The following NFATC3 variants were observed in gnomAD, a reference collection of about 807,000 sequenced individuals.
NFATC3 encodes the protein nuclear factor of activated T-cells, cytoplasmic 3.
Under a neutral mutation model 98.6 loss-of-function variants are expected in NFATC3, and 46 were observed. That is an observed-to-expected ratio of 0.47 (90% CI 0.37 to 0.60). NFATC3 has a LOEUF of 0.60. Ranked by LOEUF, NFATC3 falls within the 20% of genes least tolerant of loss-of-function variation. The probability of loss-of-function intolerance (pLI) is 0.00; values close to 1 mark genes in which losing one functional copy is unlikely to be tolerated. For missense variants in NFATC3, 1,256 were observed against 1,295.5 expected (o/e 0.97, Z 0.47); for synonymous variants, 512 against 472.2 (o/e 1.08, Z -1.09).
chr16:68,132,693 G>T (rs1272966451), intron 3 of NFATC3, among the ~76,000 whole-genome samples: 1 of 152,174 alleles, frequency 6.6e-6, no homozygotes, highest in Non-Finnish European at 1.5e-5. Context: ...GCATAAAAAA[G>T]AATGAAATCC....
At chr16:68,213,633 A>G (rs1054045172) in intron 9 of NFATC3, among the ~76,000 whole-genome samples, 5 of 151,810 alleles carry the variant, frequency 3.3e-5, no homozygotes, top group Admixed American at 6.6e-5. Context: ...TTTGAGACCC[A>G]CCTGGCCAAC....
intron 1 of NFATC3, among the ~76,000 whole-genome samples, chr16:68,095,153 T>C (rs2034945294): frequency 6.6e-6 from 1 of 152,036 alleles, no homozygotes; most frequent in Admixed American, 6.6e-5. Context: ...AAAAGAATTG[T>C]CTGTGCTTAC....
At chr16:68,222,908 AC>A (rs1027716742) in intron 9 of NFATC3, among the ~76,000 whole-genome samples, 3 of 152,016 alleles carry the variant, frequency 2.0e-5, no homozygotes, top group Non-Finnish European at 4.4e-5. Context: ...AGCTCGTAGA[AC>A]CCCCAGAACC....
intron 9 of NFATC3, among the ~76,000 whole-genome samples, chr16:68,204,783 C>T (rs140395710): frequency 8.5e-5 from 13 of 152,156 alleles, no homozygotes; most frequent in African/African-American, 2.4e-4. Context: ...TGAGTTCCTT[C>T]GAAGACAGAT....
rs975551395 is a variant in NFATC3, at chr16:68,209,558, C to T, written c.3107-16792C>T. 5.1e-5 allele frequency: 16 copies of T among 316,522 alleles called. No individual in the cohort carries two copies. The East Asian group carries it at 7.6e-4, about 15-fold the overall frequency. 19.6% of individuals were successfully genotyped at this position (316,522 alleles called of 1,614,324 possible). ...TGTCCTCACCCATGATGGCCTAGCA[C>T]GTGGAATTTGCAAAGCTGCTGAAGG... On this transcript the variant is annotated intron_variant, in intron 9 of 9. Transcript: ENST00000346183.
At chr16:68,185,870 A>G (rs1364468854) in intron 8 of NFATC3, among the ~76,000 whole-genome samples, 5 of 151,602 alleles carry the variant, frequency 3.3e-5, no homozygotes, top group Non-Finnish European at 7.4e-5. Flanking sequence ...CTCAAAAAAA[A>G]AAAAAAAAAA....
At chr16:68,171,326 T>TA (rs1259333932) in intron 5 of NFATC3, among the ~76,000 whole-genome samples, 5 of 152,156 alleles carry the variant, frequency 3.3e-5, no homozygotes, top group African/African-American at 1.2e-4. Context: ...ACTTTGCTGT[T>TA]ACTTAGAATG....
chr16:68,165,270 A>T (rs1446506815), intron 4 of NFATC3, among the ~76,000 whole-genome samples: 1 of 151,990 alleles, frequency 6.6e-6, no homozygotes, highest in Non-Finnish European at 1.5e-5. Context: ...AGTTTTCAAA[A>T]TTGTTGCATT....
chr16:68,171,051 A>T (rs1169786538), intron 5 of NFATC3, among the ~76,000 whole-genome samples: 1 of 152,172 alleles, frequency 6.6e-6, no homozygotes, highest in Non-Finnish European at 1.5e-5. Flanking sequence ...TCTGTCGCCC[A>T]GGCTGGAGTA....
At chr16:68,221,279 C>G in intron 9 of NFATC3, 1 of 1,614,022 alleles carries the variant, frequency 6.2e-7, no homozygotes, top group Non-Finnish European at 8.5e-7. Context: ...TCTGAGGAAT[C>G]TAGAGGTGAG....
chr16:68,115,494 G>T (rs757506729), intron 1 of NFATC3, among the ~76,000 whole-genome samples: 1 of 150,616 alleles, frequency 6.6e-6, no homozygotes. Context: ...GCGCAATCTC[G>T]GCTTACTGCG....
chr16:68,094,442 C>G (rs1021334318), intron 1 of NFATC3, among the ~76,000 whole-genome samples: 3 of 151,716 alleles, frequency 2.0e-5, no homozygotes, highest in Non-Finnish European at 4.4e-5. Flanking sequence ...AAAATGAGTA[C>G]TATTTATTTG....
intron 3 of NFATC3, among the ~76,000 whole-genome samples, chr16:68,135,424 C>G (rs1017864269): frequency 7.2e-6 from 1 of 138,390 alleles, no homozygotes; most frequent in Non-Finnish European, 1.5e-5. Context: ...CGCCGCTGCA[C>G]TCCAACCTGG....
At chr16:68,179,021 C>T (rs1368388497) in intron 6 of NFATC3, among the ~76,000 whole-genome samples, 1 of 152,162 alleles carries the variant, frequency 6.6e-6, no homozygotes, top group African/African-American at 2.4e-5. Context: ...TTGCCTCATA[C>T]TTTATACAGC....
intron 1 of NFATC3, among the ~76,000 whole-genome samples, chr16:68,099,634 A>AAT (rs1567496150): frequency 4.0e-4 from 61 of 150,826 alleles, no homozygotes; most frequent in African/African-American, 1.4e-3. Context: ...ATAATAATAA[A>AAT]AAATATAGAA....
In NFATC3 at chr16:68,166,985, C is replaced by G; in HGVS notation, c.1744C>G (p.Leu582Val). ...ACAGCCCAGTGGAAAAGTCCTTTCT[C>G]TGCAGATAGCCTCTATACCCGTTGA... ...IPQPSGKVLS[L>V]QIASIPVECS... The change falls in exon 5 of 10, where the codon CTG (leucine) becomes GTG (valine). Residue 582 changes from leucine (L) to valine (V), a missense_variant. Around this residue, in one of 3 missense-constraint regions of NFATC3, gnomAD observed 636 missense variants for 617.3 expected, o/e 1.03. Coordinates refer to ENST00000346183, the MANE Select transcript of NFATC3 (RefSeq NM_173165.3). 6.2e-7 allele frequency: 1 copy of G among 1,614,148 alleles called. No homozygotes were observed. Among genetic ancestry groups the G allele is most frequent in the Non-Finnish European group, 8.5e-7 (1 of 1,180,014 alleles).
chr16:68,129,767 T>G (rs1394483890), intron 3 of NFATC3, among the ~76,000 whole-genome samples: 1 of 146,870 alleles, frequency 6.8e-6, no homozygotes, highest in Non-Finnish European at 1.5e-5. Flanking sequence ...AGTCTCAAAC[T>G]CCTAGGATCA....
chr16:68,118,264 T>A (rs1293813635), intron 1 of NFATC3, among the ~76,000 whole-genome samples: 1 of 152,222 alleles, frequency 6.6e-6, no homozygotes, highest in Non-Finnish European at 1.5e-5. Context: ...AAGTTCCTTG[T>A]CTGATTCTCT....
At chr16:68,114,866 C>T (rs2036189322) in intron 1 of NFATC3, among the ~76,000 whole-genome samples, 1 of 152,152 alleles carries the variant, frequency 6.6e-6, no homozygotes, top group South Asian at 2.1e-4. Context: ...AGCCACCGCA[C>T]CTGGCCGGAA....
Sources: gnomAD v4.1 joint callset for allele counts (sites outside exome capture counted in the v4.1 genomes callset) on GRCh38, gnomAD v4.1.1 for gene constraint, gnomAD v4.1.1 regional missense constraint, MANE v1.5 for transcripts, NCBI Gene and HGNC (gene_info 2026-07-23, HGNC 2026-07-21) for gene names.